SPATS2: variants seen among roughly 807,000 people sequenced by gnomAD.
The protein encoded by SPATS2 is spermatogenesis-associated serine-rich protein 2.
A neutral mutation model predicts 63.7 loss-of-function variants in SPATS2; 38 were observed. That is an observed-to-expected ratio of 0.60 (90% confidence interval 0.46 to 0.78). SPATS2 has a LOEUF of 0.78. Ranked by LOEUF, SPATS2 falls within the 30% of genes least tolerant of loss-of-function variation. The pLI is 0.00. For missense variants in SPATS2, 588 were observed against 666.2 expected, an observed-to-expected ratio of 0.88 and a Z score of 1.29; for synonymous variants, 207 against 232.9, an observed-to-expected ratio of 0.89 and a Z score of 1.01.
intron 9 of SPATS2, among the ~76,000 whole-genome samples, chr12:49,513,454 T>TA (rs1176070271): frequency 1.3e-5 from 2 of 152,232 alleles, no homozygotes; most frequent in Non-Finnish European, 2.9e-5. Flanking sequence ...AGAGGTTGAA[T>TA]ACTAGGGTAC....
Position 49,516,204 on chromosome 12 carries a change from T to TATAAATAA in SPATS2, c.898+1594_898+1595insAATAAATA, listed in dbSNP as rs1555193492. On this transcript the variant is annotated intron_variant, in intron 10 of 13. Transcript: ENST00000552918. ...ATATATATATATATATATATATATA[T>TATAAATAA]ATATAAATCAGGCATGGGGTCATGT... is the stretch of plus-strand genomic sequence containing the variant. 1.2e-3 allele frequency among the ~76,000 whole-genome samples: 85 copies of TATAAATAA among 70,728 alleles called. 6 individuals are homozygous for TATAAATAA. The highest frequency in any genetic ancestry group is 2.2e-3 in the South Asian group (4 of 1,800). The allele number at this position is 70,728 out of a possible 152,430, so 46.4% of individuals were successfully genotyped here. A position where few individuals can be genotyped will look rare whatever the true frequency, so the allele number is the denominator to read the frequency against.
intron 2 of SPATS2, among the ~76,000 whole-genome samples, chr12:49,432,403 C>T (rs1409986233): frequency 6.6e-6 from 1 of 152,168 alleles, no homozygotes; most frequent in East Asian, 1.9e-4. Flanking sequence ...ACCCAGGAGG[C>T]GGAGGTTTCA....
intron 2 of SPATS2, among the ~76,000 whole-genome samples, chr12:49,456,191 A>G (rs1945716179): frequency 1.3e-5 from 2 of 152,186 alleles, no homozygotes; most frequent in Admixed American, 1.3e-4. Flanking sequence ...CCTTGGGGGT[A>G]TGTGATGGGA....
At chr12:49,505,125 C>T (rs1419356923) in intron 9 of SPATS2, among the ~76,000 whole-genome samples, 2 of 151,912 alleles carry the variant, frequency 1.3e-5, no homozygotes, top group East Asian at 3.8e-4. Flanking sequence ...TAAGTCCTTA[C>T]ATTTAAAGGC....
rs1385544093 is a variant in SPATS2 at position 49,447,663 on chromosome 12, A to G, written c.-243-13107A>G. 5.3e-5 allele frequency among the ~76,000 whole-genome samples: 8 copies of G among 152,246 alleles called. No individual in the cohort carries two copies. In the South Asian group the frequency reaches 1.7e-3, roughly 32 times the overall value. On this transcript the variant is annotated intron_variant, in intron 2 of 13. Transcript: ENST00000552918. ...GGGAAGGATTTTAGATTATTAATTC[A>G]ATTTCTTGATATCCTACCCTTTTTA...
At chr12:49,493,677 A>G (rs964534906) in intron 6 of SPATS2, among the ~76,000 whole-genome samples, 1 of 152,204 alleles carries the variant, frequency 6.6e-6, no homozygotes, top group East Asian at 1.9e-4. Flanking sequence ...TGTTGGGATT[A>G]CAGGCATGAG....
chr12:49,525,022 C>A, intron 13 of SPATS2, 126 bp downstream of exon 13: 2 of 943,966 alleles, frequency 2.1e-6, no homozygotes, highest in Non-Finnish European at 3.1e-6. Flanking sequence ...TGAATCCCTC[C>A]AACCCAAGTT....
At chr12:49,387,752 C>G (rs1459710370) in intron 2 of SPATS2, among the ~76,000 whole-genome samples, 1 of 151,566 alleles carries the variant, frequency 6.6e-6, no homozygotes, top group East Asian at 1.9e-4. Flanking sequence ...GAGATTAGGC[C>G]TGGTGGAGAG....
chr12:49,396,496 C>G (rs1483560168), intron 2 of SPATS2, among the ~76,000 whole-genome samples: 1 of 152,148 alleles, frequency 6.6e-6, no homozygotes, highest in Non-Finnish European at 1.5e-5. Flanking sequence ...TGGAAGCTTC[C>G]CTACTGCATA....
chr12:49,430,106 T>G (rs1056987236), intron 2 of SPATS2, among the ~76,000 whole-genome samples: 31 of 145,838 alleles, frequency 2.1e-4, no homozygotes, highest in Non-Finnish European at 3.2e-4. Flanking sequence ...CTTGTTTTTT[T>G]TTTTTTTTTT....
rs1946535569 is a variant in SPATS2 at position 49,499,942 on chromosome 12, G to A, written c.704-128G>A. The A allele has an allele frequency of 1.4e-5, 9 of 649,660 alleles. No homozygotes were observed. In the South Asian group the frequency reaches 7.1e-4, roughly 51 times the overall value. 40.2% of individuals were successfully genotyped at this position (649,660 alleles called of 1,614,324 possible). ...TATAAAAACATGTTTTTCTCATTGG[G>A]GAAGGTGGTTATTTAGGAAAGATTC... On this transcript the variant is annotated intron_variant, in intron 8 of 13. Transcript: ENST00000552918.
At chr12:49,484,922 G>A (rs750990979) in intron 4 of SPATS2, among the ~76,000 whole-genome samples, 7 of 152,130 alleles carry the variant, frequency 4.6e-5, no homozygotes, top group Non-Finnish European at 8.8e-5. Flanking sequence ...AAGATATTCA[G>A]TATTAATTAG....
At position 49,419,715 on chromosome 12, in the gene SPATS2, T is replaced by A. The variant is rs1944947037; in HGVS notation, c.-243-41055T>A. Among the ~76,000 whole-genome samples, 3 of 152,350 alleles carry A rather than the reference T, an allele frequency of 2.0e-5. No homozygotes were observed. In the South Asian group the frequency reaches 6.2e-4, roughly 32 times the overall value. The stretch of plus-strand genomic sequence containing the variant: ...ATCCAGTGAGTTTGTTAAAAAATAT[T>A]TGCTTATTCTATCCTTTCATATGAC... On this transcript the variant is annotated intron_variant, in intron 2 of 13. Transcript: ENST00000552918.
chr12:49,448,509 A>G (rs1945557354), intron 2 of SPATS2, among the ~76,000 whole-genome samples: 2 of 151,310 alleles, frequency 1.3e-5, no homozygotes, highest in South Asian at 4.1e-4. Flanking sequence ...TCTTTGACCC[A>G]TGAGTTGTTT....
chr12:49,473,243 C>T (rs867259444), intron 3 of SPATS2, among the ~76,000 whole-genome samples: 2 of 151,848 alleles, frequency 1.3e-5, no homozygotes, highest in Non-Finnish European at 2.9e-5. Flanking sequence ...GGCAAAAAAC[C>T]CATCTCTACT....
At chr12:49,449,956 G>A (rs545185520) in intron 2 of SPATS2, among the ~76,000 whole-genome samples, 1 of 152,108 alleles carries the variant, frequency 6.6e-6, no homozygotes, top group South Asian at 2.1e-4. Flanking sequence ...GTCAATTTTT[G>A]CTGCATGTAT....
At chr12:49,498,779 A>C (rs1357172691) in intron 8 of SPATS2, among the ~76,000 whole-genome samples, 4 of 148,614 alleles carry the variant, frequency 2.7e-5, no homozygotes, top group Non-Finnish European at 5.9e-5. Flanking sequence ...CTTCTTGAAC[A>C]TATGGTATCT....
At chr12:49,385,290 AAAC>A (rs1380191772) in intron 2 of SPATS2, among the ~76,000 whole-genome samples, 1 of 151,438 alleles carries the variant, frequency 6.6e-6, no homozygotes, top group Non-Finnish European at 1.5e-5. Flanking sequence ...CAAAAAAAAA[AAAC>A]AAAAACCATG....
At chr12:49,428,597 T>C (rs1450204439) in intron 2 of SPATS2, among the ~76,000 whole-genome samples, 1 of 152,252 alleles carries the variant, frequency 6.6e-6, no homozygotes, top group Non-Finnish European at 1.5e-5. Flanking sequence ...TTATAGCACC[T>C]GTCAGAATTT....
Sources: allele counts gnomAD v4.1 joint callset (sites outside exome capture counted in the v4.1 genomes callset), GRCh38; gene constraint gnomAD v4.1.1; transcripts MANE v1.5; gene names NCBI Gene and HGNC (gene_info 2026-07-23, HGNC 2026-07-21).